The following CTNS variants were observed in gnomAD, a reference collection of about 807,000 sequenced individuals.
The protein encoded by CTNS is cystinosin.
In CTNS, 27 loss-of-function variants were observed where a neutral mutation model predicts 43.7. That is an observed-to-expected ratio of 0.62 (90% CI 0.46 to 0.85). CTNS has a LOEUF of 0.85. CTNS is among the 40% of genes least tolerant of loss of function. CTNS has a pLI of 0.00. For missense variants in CTNS, 457 were observed against 475.4 expected, an observed-to-expected ratio of 0.96 and a Z score of 0.36; for synonymous variants, 187 against 190.6, an observed-to-expected ratio of 0.98 and a Z score of 0.16.
At chr17:3,657,970 G>GT in intron 9 of CTNS, 35 bp from the exon 10 acceptor site, 1 of 1,603,114 alleles carries the variant, frequency 6.2e-7, no homozygotes, top group African/African-American at 1.3e-5. Context: ...TGGCCTCTGT[G>GT]TGGGTCCACA....
At position 3,662,452 on chromosome 17, in the gene CTNS, G is replaced by C. The variant is rs533200063; in HGVS notation, c.*2083G>C. On this transcript the variant is annotated 3_prime_UTR_variant, in exon 12 of 12. Coordinates refer to ENST00000046640, the MANE Select transcript of CTNS (RefSeq NM_004937.3). ...ACTCACCCCCATCTGGCCAGATCAC[G>C]GCCCCCAGCAACACGTGGGGTTGTG... Among the ~76,000 whole-genome samples the C allele has an allele frequency of 6.6e-6, 1 of 152,120 alleles. No individual in the cohort carries two copies. The highest frequency in any genetic ancestry group is 6.5e-5 in the Admixed American group (1 of 15,272).
At chr17:3,656,870 A>C in intron 9 of CTNS, 75 bp downstream of exon 9, 1 of 1,603,396 alleles carries the variant, frequency 6.2e-7, no homozygotes, top group Non-Finnish European at 8.5e-7. Context: ...GACAGAAGAC[A>C]CGGCAGAGCC....
chr17:3,642,426 G>A (rs113199625), intron 3 of CTNS, among the ~76,000 whole-genome samples: 10 of 152,250 alleles, frequency 6.6e-5, no homozygotes, highest in African/African-American at 2.4e-4. Flanking sequence ...TGTAGTTCAC[G>A]CCTGTAATCC....
chr17:3,638,511 TACAC>T (rs57318359), intron 2 of CTNS, among the ~76,000 whole-genome samples: 15,160 of 152,108 alleles, frequency 0.1, 2,505 homozygotes, highest in African/African-American at 0.34. Flanking sequence ...GTGCTGGAAT[TACAC>T]ACACGAGCCA....
rs35273890 is a variant in CTNS, at chr17:3,645,859, CAA to C, written c.62-1566_62-1565del. ...TGGGCAACAAAGCGAGACTCTGTCT[CAA>C]AAAAAAAAAAAAAAAAAAGTTTCCT... On this transcript the variant is annotated intron_variant, in intron 3 of 11. Transcript: ENST00000046640. 2.6e-3 allele frequency among the ~76,000 whole-genome samples: 191 copies of C among 74,222 alleles called. 3 individuals carry two copies. The South Asian group carries it at 0.041, about 16-fold the overall frequency. 48.7% of individuals were successfully genotyped at this position (74,222 alleles called of 152,430 possible). A position where few individuals can be genotyped will look rare whatever the true frequency, so the allele number is the denominator to read the frequency against.
rs928589918 is a variant in CTNS, at chr17:3,657,866, C to T, written c.682-139C>T. 4.5e-6 allele frequency: 4 copies of T among 889,662 alleles called. No homozygotes were observed. The African/African-American group carries it at 6.6e-5, about 15-fold the overall frequency. The allele number at this position is 889,662 out of a possible 1,614,324, so 55.1% of individuals were successfully genotyped here. On this transcript the variant is annotated intron_variant, in intron 9 of 11. Transcript: ENST00000046640. ...CCCTGCCACAACCCCAGTGCAGCCC[C>T]CACCTTGCAGGGGCTCCTTCAAGGC...
At chr17:3,636,505 A>G (rs1258771381), upstream of CTNS, 7 of 397,860 alleles carry the variant, frequency 1.8e-5, no homozygotes, top group East Asian at 4.3e-5. Flanking sequence ...AGCTTCGCTC[A>G]CGAAAGGAGC....
Position 3,660,307 on chromosome 17 carries a change from G to T in CTNS, c.1042G>T (p.Val348Phe), listed in dbSNP as rs768600706. The change falls in exon 12 of 12, where the codon GTC becomes TTC. Residue 348 changes from valine to phenylalanine, a missense_variant. Physicochemically the swap from Val to Phe is conservative, Grantham distance 50. Coordinates refer to ENST00000046640, the MANE Select transcript of CTNS (RefSeq NM_004937.3). ...LGVFSIVFDVVFFIQHFCLYR... is the reference protein window; with the variant it reads ...LGVFSIVFDVFFFIQHFCLYR... Reference sequence around the variant, plus strand: ...GGTCTTCTCCATCGTCTTCGACGTCGTCTTCTTCATCCAGCACTTCTGTTT... The same window carrying T: ...GGTCTTCTCCATCGTCTTCGACGTCTTCTTCTTCATCCAGCACTTCTGTTT... The T allele has an allele frequency of 2.5e-6, 4 of 1,614,240 alleles. No individual in the cohort carries two copies. The South Asian group carries it at 4.4e-5, about 18-fold the overall frequency.
chr17:3,660,313 T>C lies in CTNS; in HGVS notation c.1048T>C (p.Phe350Leu), dbSNP rs1220760004. ...CTCCATCGTCTTCGACGTCGTCTTCTTCATCCAGCACTTCTGTTTGTACAG... is the reference window on the plus strand; with the variant it reads ...CTCCATCGTCTTCGACGTCGTCTTCCTCATCCAGCACTTCTGTTTGTACAG... Reference protein sequence around the residue: ...VFSIVFDVVFFIQHFCLYRKR... With the variant: ...VFSIVFDVVFLIQHFCLYRKR... The change falls in exon 12 of 12, where the codon TTC becomes CTC. Residue 350 changes from phenylalanine (F) to leucine (L), a missense_variant. Transcript: ENST00000046640. The C allele has an allele frequency of 1.9e-6, 3 of 1,614,144 alleles. No individual in the cohort carries two copies. The East Asian group carries it at 6.7e-5, about 36-fold the overall frequency.
chr17:3,659,780 AG>A, intron 10 of CTNS, 77 bp from the exon 11 acceptor site: 1 of 1,004,688 alleles, frequency 1.0e-6, no homozygotes, highest in Non-Finnish European at 1.6e-6. Context: ...TTTTGTTTGG[AG>A]GGGCAGTCAC....
intron 10 of CTNS, among the ~76,000 whole-genome samples, chr17:3,658,608 G>T (rs988929597): frequency 6.6e-6 from 1 of 152,208 alleles, no homozygotes; most frequent in Middle Eastern, 3.2e-3. Flanking sequence ...GGGGACTCAG[G>T]GTCCAGCACA....
At chr17:3,654,831 G>A (rs1005682614) in intron 5 of CTNS, among the ~76,000 whole-genome samples, 167 bp from the exon 6 acceptor site, 1 of 152,198 alleles carries the variant, frequency 6.6e-6, no homozygotes, top group African/African-American at 2.4e-5. Flanking sequence ...GGAGGTTCAA[G>A]TTGGCTGGTG....
chr17:3,647,542 G>A lies in CTNS; in HGVS notation c.140+20G>A, dbSNP rs775973977. On this transcript the variant is annotated intron_variant, in intron 4 of 11. Transcript: ENST00000046640. ...CCTGCGGTAAGTTCCTGGGCCTGGCGCTGTGCTCAGCTCCGCTCAGGCCCC... is the reference window on the plus strand; with the variant it reads ...CCTGCGGTAAGTTCCTGGGCCTGGCACTGTGCTCAGCTCCGCTCAGGCCCC... 114 of 1,610,858 alleles carry A rather than the reference G, an allele frequency of 7.1e-5. No homozygotes were observed. The highest frequency in any genetic ancestry group is 1.0e-4 in the Admixed American group (6 of 60,000).
intron 10 of CTNS, among the ~76,000 whole-genome samples, chr17:3,658,517 A>G (rs527859239): frequency 8.9e-4 from 136 of 152,266 alleles, no homozygotes; most frequent in Non-Finnish European, 1.6e-3. Context: ...GACACTCTGG[A>G]GAGGTGAGGT....
rs2076262933 is a variant in CTNS at position 3,660,699 on chromosome 17, A to C, written c.*330A>C. 1 of 1,613,402 alleles carries C rather than the reference A, an allele frequency of 6.2e-7. No homozygotes were observed. Among genetic ancestry groups the C allele is most frequent in the African/African-American group, 1.3e-5 (1 of 74,944 alleles). ...CTTGCAGCCGAAGGCCTTGCCCCAA[A>C]CTACCAGCGTTTCTGCAAGCAGCTT... On this transcript the variant is annotated 3_prime_UTR_variant, in exon 12 of 12. Transcript: ENST00000046640.
chr17:3,648,984 A>G, intron 5 of CTNS, 53 bp downstream of exon 5: 5 of 1,425,110 alleles, frequency 3.5e-6, no homozygotes, highest in Non-Finnish European at 5.0e-6. Context: ...AACAGAACAC[A>G]TTTGAATTAA....
intron 3 of CTNS, among the ~76,000 whole-genome samples, chr17:3,641,435 A>G (rs443836): frequency 0.45 from 54,233 of 120,248 alleles, 12,572 homozygotes; most frequent in Middle Eastern, 0.5. Context: ...TCTGTCGCTG[A>G]GGCTGGTGTG....
Position 3,648,874 on chromosome 17 carries a change from C to G in CTNS, c.168C>G (p.Ile56Met). ...CACCATTAAATGCAACCCTGGTGATCACTTTTGAAATCACATTTCGTTCCA... is the reference window on the plus strand; with the variant it reads ...CACCATTAAATGCAACCCTGGTGATGACTTTTGAAATCACATTTCGTTCCA... ...LRPPLNATLV[I>M]TFEITFRSKN... is the part of the protein sequence containing the mutation. Residue 56 changes from isoleucine (I) to methionine (M), a missense_variant, in exon 5 of 12, where the codon ATC (isoleucine) becomes ATG (methionine). Ile to Met is a conservative substitution (Grantham distance 10). Coordinates refer to ENST00000046640, the MANE Select transcript of CTNS (RefSeq NM_004937.3). The G allele has an allele frequency of 6.2e-7, 1 of 1,614,028 alleles. No individual in the cohort carries two copies. Among genetic ancestry groups the G allele is most frequent in the Non-Finnish European group, 8.5e-7 (1 of 1,179,852 alleles).
At chr17:3,656,012 C>T (rs996083578) in intron 7 of CTNS, 8 of 316,552 alleles carry the variant, frequency 2.5e-5, no homozygotes, top group African/African-American at 8.7e-5. Flanking sequence ...TTCCCCGTGG[C>T]CTGGGAGCCC....
Sources: allele counts gnomAD v4.1 joint callset (sites outside exome capture counted in the v4.1 genomes callset), GRCh38; gene constraint gnomAD v4.1.1; transcripts MANE v1.5; gene names NCBI Gene and HGNC (gene_info 2026-07-23, HGNC 2026-07-21).